Variants in USP36 observed in about 807,000 individuals in gnomAD.
USP36 encodes ubiquitin specific peptidase 36.
Under a neutral mutation model 111.5 loss-of-function variants are expected in USP36, and 59 were observed. The observed-to-expected ratio is 0.53, with a 90% confidence interval of 0.43 to 0.66. The LOEUF is 0.66. Among genes scored for constraint, USP36 ranks in the 30% least tolerant of loss-of-function variants. The probability of loss-of-function intolerance (pLI) is 0.00; values close to 1 mark genes in which losing one functional copy is unlikely to be tolerated. For synonymous variants in USP36, 628 were observed against 581.0 expected, an observed-to-expected ratio of 1.08 and a Z score of -1.16; for missense variants, 1,488 against 1,468.0, an observed-to-expected ratio of 1.01 and a Z score of -0.22.
At chr17:78,835,591 T>A in intron 3 of USP36, 90 bp from the exon 4 acceptor site, 1 of 1,208,330 alleles carries the variant, frequency 8.3e-7, no homozygotes. Context: ...AGCATACACT[T>A]AGCATGCAGT....
chr17:78,830,393 T>C (rs2067977537), intron 4 of USP36, among the ~76,000 whole-genome samples: 1 of 152,254 alleles, frequency 6.6e-6, no homozygotes, highest in Non-Finnish European at 1.5e-5. Flanking sequence ...ACCACTGTTA[T>C]TTATGTATCC....
chr17:78,838,878 C>T (rs1363356249), intron 1 of USP36, 128 bp from the exon 2 acceptor site: 3 of 152,190 alleles, frequency 2.0e-5, no homozygotes, highest in South Asian at 2.1e-4. Context: ...GGAGCATCCA[C>T]GCGTGCACTC....
intron 18 of USP36, 132 bp downstream of exon 18, chr17:78,799,535 C>T: frequency 1.3e-6 from 1 of 784,880 alleles, no homozygotes; most frequent in Non-Finnish European, 2.1e-6. Context: ...GTTGAGATTC[C>T]TCTTCCCATT....
At position 78,818,723 on chromosome 17, in the gene USP36, C is replaced by T. The variant is rs750823481; in HGVS notation, c.967G>A (p.Val323Ile). ...KRFTIHRTSN[V>I]LTLSLKRFAN... ...AAGCGCTTGAGGGAAAGGGTTAAGACGTTGGATGTTCTGTGGATGGTGAAG... is the reference window on the plus strand; with the variant it reads ...AAGCGCTTGAGGGAAAGGGTTAAGATGTTGGATGTTCTGTGGATGGTGAAG... Residue 323 changes from valine (V) to isoleucine (I), a missense_variant, in exon 10 of 21, where the codon GTC becomes ATC. This residue lies in a region of USP36 where 196 missense variants were observed against 264.4 expected (regional missense o/e 0.74). Transcript: ENST00000449938. The T allele has an allele frequency of 1.8e-5, 29 of 1,613,872 alleles. No homozygotes were observed. In the Admixed American group the frequency reaches 2.5e-4, roughly 14 times the overall value.
In USP36 at chr17:78,798,571, C is replaced by T. The variant is rs764679451; in HGVS notation, c.3241-20G>A. On this transcript the variant is annotated intron_variant, in intron 19 of 20. Coordinates refer to ENST00000449938, the MANE Select transcript of USP36 (RefSeq NM_001385174.1). This position sits in a 1 kb window ranked among gnomAD's most constrained non-coding sequence, Gnocchi z 5.1. ...CTTTTCCTAGACCAAGAATCACAGG[C>T]ATCACAGTTCCCAAAAACGGCTCTT... The T allele has an allele frequency of 6.2e-7, 1 of 1,609,944 alleles. No homozygotes were observed. The highest frequency in any genetic ancestry group is 8.5e-7 in the Non-Finnish European group (1 of 1,179,382).
rs779734062 is a variant in USP36 at position 78,836,159 on chromosome 17, CCT to C, written c.203_204del (p.Glu68GlyfsTer3). On this transcript the variant is annotated frameshift_variant, in exon 3 of 21. Transcript: ENST00000449938. LOFTEE classifies it high-confidence loss of function. ...TCTCCACTCTTGTGGCGACTAGCTC[CCT>C]CTGTTTTGGGGTTGAGCAACACATA... Reference protein sequence around the residue: ...SKYVLLNPKTEGASRHKSGDD... With the variant: ...SKYVLLNPKTXGASRHKSGDD... 1.2e-6 allele frequency: 2 copies of C among 1,614,026 alleles called. No homozygotes were observed. Among genetic ancestry groups the C allele is most frequent in the South Asian group, 1.1e-5 (1 of 91,066 alleles).
chr17:78,821,290 G>T (rs1320948586), intron 7 of USP36: 2 of 451,886 alleles, frequency 4.4e-6, no homozygotes, highest in Non-Finnish European at 8.2e-6. Context: ...CTCCCTGCCT[G>T]GACTGCTGAC....
At chr17:78,835,136 C>G in intron 4 of USP36, 144 bp downstream of exon 4, 2 of 856,728 alleles carry the variant, frequency 2.3e-6, no homozygotes, top group Non-Finnish European at 3.6e-6. Flanking sequence ...AGGCATGATT[C>G]AAATTTAGGT....
In USP36 at chr17:78,807,562, G is replaced by T. The variant is rs755801479; in HGVS notation, c.1482C>A (p.Ser494=). ...EIGVPISRNG[S]TLGLKSQNGC... is the part of the protein sequence containing the mutation. ...CGTTCTGGGACTTCAGGCCCAGGGT[G>T]GAGCCATTCCTGGATATGGGCACAC... The change falls in exon 14 of 21, where the codon TCC becomes TCA. Residue 494 remains serine (S), a synonymous_variant. Coordinates refer to ENST00000449938, the MANE Select transcript of USP36 (RefSeq NM_001385174.1). 1.2e-6 allele frequency: 2 copies of T among 1,609,004 alleles called. No individual in the cohort carries two copies. Among genetic ancestry groups the T allele is most frequent in the Non-Finnish European group, 1.7e-6 (2 of 1,177,574 alleles).
At position 78,798,877 on chromosome 17, in the gene USP36, T is replaced by G; in HGVS notation, c.3240+31A>C. On this transcript the variant is annotated intron_variant, in intron 19 of 20. Coordinates refer to ENST00000449938, the MANE Select transcript of USP36 (RefSeq NM_001385174.1). The surrounding 1 kb of genome is among the most constrained non-coding windows in gnomAD (Gnocchi z 5.1). Reference sequence around the variant, plus strand: ...AGCTGAGCCACGCCGCCCTGCTCCCTCAAGCCTGTGGTCAGCATCACACAT... The same window carrying G: ...AGCTGAGCCACGCCGCCCTGCTCCCGCAAGCCTGTGGTCAGCATCACACAT... 6.2e-7 allele frequency: 1 copy of G among 1,612,608 alleles called. No homozygotes were observed. Among genetic ancestry groups the G allele is most frequent in the Non-Finnish European group, 8.5e-7 (1 of 1,179,024 alleles).
At chr17:78,823,687 G>C (rs372508678) in intron 6 of USP36, among the ~76,000 whole-genome samples, 2 of 152,170 alleles carry the variant, frequency 1.3e-5, no homozygotes, top group Non-Finnish European at 2.9e-5. Context: ...GGGCTCTCAG[G>C]GGGAGAAGGC....
At position 78,812,853 on chromosome 17, in the gene USP36, C is replaced by T. The variant is rs61757572; in HGVS notation, c.1407+7G>A. On this transcript the variant is annotated splice_region_variant and intron_variant, in intron 13 of 20. Coordinates refer to ENST00000449938, the MANE Select transcript of USP36 (RefSeq NM_001385174.1). ...GCCACTTTGGCCTCCATCATTCTCACAAATACCTTTCCAGTCAGTGGGGAG... is the reference window on the plus strand; with the variant it reads ...GCCACTTTGGCCTCCATCATTCTCATAAATACCTTTCCAGTCAGTGGGGAG... The T allele has an allele frequency of 0.014, 21,890 of 1,613,002 alleles. 204 individuals carry two copies. Among genetic ancestry groups the T allele is most frequent in the Non-Finnish European group, 0.016 (18,792 of 1,179,860 alleles).
rs1276717923 is a variant in USP36 at position 78,835,469 on chromosome 17, C to T, written c.286G>A (p.Gly96Arg). Reference sequence around the variant, plus strand: ...AGCACTTTCTGCGGGGCTGGGACTCCGTCACCACAGCTCTCATACGTGTGC... The same window carrying T: ...AGCACTTTCTGCGGGGCTGGGACTCTGTCACCACAGCTCTCATACGTGTGC... Reference protein sequence around the residue: ...SEHTYESCGDGVPAPQKVLFP... With the variant: ...SEHTYESCGDRVPAPQKVLFP... The change falls in exon 4 of 21, where the codon GGA (glycine) becomes AGA (arginine). Residue 96 changes from glycine (G) to arginine (R), a missense_variant. This residue lies in a region of USP36 where 219 missense variants were observed against 209.5 expected (regional missense o/e 1.05). Transcript: ENST00000449938. The T allele has an allele frequency of 8.7e-6, 14 of 1,609,974 alleles. No individual in the cohort carries two copies. Among genetic ancestry groups the T allele is most frequent in the African/African-American group, 2.7e-5 (2 of 74,874 alleles).
chr17:78,824,838 G>A (rs1013075958), intron 6 of USP36, among the ~76,000 whole-genome samples: 2 of 152,156 alleles, frequency 1.3e-5, no homozygotes, highest in African/African-American at 2.4e-5. Context: ...GCAAGGGGCC[G>A]GCGGAAACCC....
In USP36 at chr17:78,816,455, G is replaced by A. The variant is rs141889413; in HGVS notation, c.1024-1903C>T. Reference sequence around the variant, plus strand: ...AGCCTGGCCAACATGGTGGAACCCCGTCTCTACTAAAAATACAAAATTTAG... The same window carrying A: ...AGCCTGGCCAACATGGTGGAACCCCATCTCTACTAAAAATACAAAATTTAG... On this transcript the variant is annotated intron_variant, in intron 10 of 20. Transcript: ENST00000449938. 2.2e-3 allele frequency among the ~76,000 whole-genome samples: 332 copies of A among 152,020 alleles called. 2 individuals are homozygous for A. The highest frequency in any genetic ancestry group is 7.5e-3 in the African/African-American group (309 of 41,476).
chr17:78,797,121 C>T lies in USP36; in HGVS notation c.*779G>A, dbSNP rs572079109. 1 of 152,250 alleles carries T rather than the reference C, an allele frequency of 6.6e-6. No individual in the cohort carries two copies. Among genetic ancestry groups the T allele is most frequent in the East Asian group, 1.9e-4 (1 of 5,186 alleles). The allele number at this position is 152,250 out of a possible 1,614,324, so 9.4% of individuals were successfully genotyped here. A position where few individuals can be genotyped will look rare whatever the true frequency, so the allele number is the denominator to read the frequency against. On this transcript the variant is annotated 3_prime_UTR_variant, in exon 21 of 21. Coordinates refer to ENST00000449938, the MANE Select transcript of USP36 (RefSeq NM_001385174.1). The stretch of plus-strand genomic sequence containing the variant: ...TAGTAAAATAAATGGAGAATTCTAC[C>T]CCAAAGCCTCCACCTCAGTGAAGAC...
intron 4 of USP36, among the ~76,000 whole-genome samples, chr17:78,830,217 A>G (rs567443854): frequency 6.6e-6 from 1 of 152,352 alleles, no homozygotes; most frequent in South Asian, 2.1e-4. Flanking sequence ...ATGTGTATCC[A>G]TGAACAATAA....
At chr17:78,809,393 G>A (rs2093994361) in intron 13 of USP36, among the ~76,000 whole-genome samples, 1 of 152,078 alleles carries the variant, frequency 6.6e-6, no homozygotes, top group Non-Finnish European at 1.5e-5. Flanking sequence ...CCACTGCACC[G>A]CAAAGCCGTT....
intron 13 of USP36, among the ~76,000 whole-genome samples, chr17:78,811,641 G>A (rs895807446): frequency 5.3e-5 from 8 of 152,002 alleles, no homozygotes; most frequent in Non-Finnish European, 1.0e-4. Flanking sequence ...AGGCTGAGGC[G>A]GGTGGATCAG....
Sources: gnomAD v4.1 joint callset for allele counts (sites outside exome capture counted in the v4.1 genomes callset) on GRCh38, gnomAD v4.1.1 for gene constraint, gnomAD v4.1.1 regional missense constraint, Gnocchi (gnomAD v3.1) non-coding constraint, MANE v1.5 for transcripts, NCBI Gene and HGNC (gene_info 2026-07-23, HGNC 2026-07-21) for gene names.